The following KCNH1 variants were observed in gnomAD, a reference collection of about 807,000 sequenced individuals.
KCNH1 encodes potassium voltage-gated channel subfamily H member 1, also known as voltage-gated delayed rectifier potassium channel KCNH1.
A neutral mutation model predicts 69.2 loss-of-function variants in KCNH1; 27 were observed. The observed-to-expected ratio is 0.39, with a 90% CI of 0.29 to 0.54. KCNH1 has a LOEUF of 0.54. KCNH1 is among the 20% of genes least tolerant of loss of function. KCNH1 has a pLI of 0.68. For missense variants in KCNH1, 798 were observed against 1,261.6 expected, an observed-to-expected ratio of 0.63 and a Z score of 5.57; for synonymous variants, 456 against 487.7, an observed-to-expected ratio of 0.93 and a Z score of 0.86.
At position 210,680,349 on chromosome 1, in the gene KCNH1, A is replaced by G. The variant is rs558557426; in HGVS notation, c.*2932T>C. 1.5e-5 allele frequency: 2 copies of G among 131,978 alleles called. No individual in the cohort carries two copies. Among genetic ancestry groups the G allele is most frequent in the Non-Finnish European group, 3.6e-5 (2 of 55,606 alleles). The allele number at this position is 131,978 out of a possible 1,614,324, so 8.2% of individuals were successfully genotyped here. A position where few individuals can be genotyped will look rare whatever the true frequency, so the allele number is the denominator to read the frequency against. ...AAATCAAATAACCAGCACTTACTAGATAATGGTGCCACATATCATGCCCCG... is the reference window on the plus strand; with the variant it reads ...AAATCAAATAACCAGCACTTACTAGGTAATGGTGCCACATATCATGCCCCG... On this transcript the variant is annotated 3_prime_UTR_variant, in exon 11 of 11. Coordinates refer to ENST00000271751, the MANE Select transcript of KCNH1 (RefSeq NM_172362.3).
chr1:210,986,845 G>T (rs923690634), intron 6 of KCNH1, among the ~76,000 whole-genome samples: 14 of 152,110 alleles, frequency 9.2e-5, no homozygotes, highest in African/African-American at 3.4e-4. Context: ...TGCTAGATTG[G>T]GGAAGTTCTC....
At chr1:211,065,604 T>C (rs569712260) in intron 5 of KCNH1, among the ~76,000 whole-genome samples, 17 of 152,260 alleles carry the variant, frequency 1.1e-4, no homozygotes, top group Admixed American at 8.5e-4. Context: ...TATTGTATCC[T>C]TAAAAATTGC....
chr1:210,754,831 C>T (rs1176262017), intron 10 of KCNH1, among the ~76,000 whole-genome samples: 1 of 141,028 alleles, frequency 7.1e-6, no homozygotes, highest in African/African-American at 2.7e-5. Context: ...GCCTGATACA[C>T]AAGTACACAC....
At chr1:210,981,395 A>G (rs942131141) in intron 6 of KCNH1, among the ~76,000 whole-genome samples, 1 of 151,080 alleles carries the variant, frequency 6.6e-6, no homozygotes, top group Non-Finnish European at 1.5e-5. Flanking sequence ...AAAAAAAAGA[A>G]TCATCCCTTA....
At chr1:210,684,647 G>T (rs955230428) in intron 10 of KCNH1, among the ~76,000 whole-genome samples, 1 of 152,222 alleles carries the variant, frequency 6.6e-6, no homozygotes, top group Non-Finnish European at 1.5e-5. Context: ...CCCAGGCAAG[G>T]CTACAGCTAA....
intron 7 of KCNH1, among the ~76,000 whole-genome samples, chr1:210,839,481 G>A (rs1307831020): frequency 6.6e-6 from 1 of 152,100 alleles, no homozygotes; most frequent in Non-Finnish European, 1.5e-5. Context: ...ATGGATGCTG[G>A]GCTTAATACC....
chr1:211,112,139 G>A (rs1243627625), intron 1 of KCNH1, among the ~76,000 whole-genome samples: 1 of 108,328 alleles, frequency 9.2e-6, no homozygotes, highest in East Asian at 3.0e-4. Context: ...CTGGGAAGTT[G>A]GAGCGCCTCT....
intron 6 of KCNH1, among the ~76,000 whole-genome samples, chr1:210,975,766 A>G (rs74422102): frequency 6.6e-6 from 1 of 152,142 alleles, no homozygotes; most frequent in Non-Finnish European, 1.5e-5. Flanking sequence ...TAATTAAACT[A>G]AAGAGCTTCT....
intron 5 of KCNH1, among the ~76,000 whole-genome samples, chr1:211,021,095 G>A (rs954653504): frequency 6.6e-6 from 1 of 152,074 alleles, no homozygotes; most frequent in African/African-American, 2.4e-5. Context: ...ATGAGTGGGG[G>A]CTAAGCTATG....
chr1:210,823,924 T>C (rs1175297452), intron 7 of KCNH1, among the ~76,000 whole-genome samples: 5 of 151,768 alleles, frequency 3.3e-5, no homozygotes, highest in Non-Finnish European at 7.4e-5. Flanking sequence ...CTGTGCACCA[T>C]GCTCCAAATG....
intron 5 of KCNH1, among the ~76,000 whole-genome samples, chr1:211,064,605 G>A (rs1690494943): frequency 6.6e-6 from 1 of 151,836 alleles, no homozygotes; most frequent in South Asian, 2.1e-4. Flanking sequence ...AATACAGTAT[G>A]ACCACTTTTT....
chr1:210,680,864 C>G lies in KCNH1; in HGVS notation c.*2417G>C, dbSNP rs1262893846. ...GTGCATTCCTAAAGCTACATTCCCC[C>G]CAAGAACATGTCTGGACTTCAAAGC... On this transcript the variant is annotated 3_prime_UTR_variant, in exon 11 of 11. Coordinates refer to ENST00000271751, the MANE Select transcript of KCNH1 (RefSeq NM_172362.3). 1 of 152,196 alleles carries G rather than the reference C, an allele frequency of 6.6e-6. No homozygotes were observed. The highest frequency in any genetic ancestry group is 6.5e-5 in the Admixed American group (1 of 15,280). 9.4% of individuals were successfully genotyped at this position (152,196 alleles called of 1,614,324 possible).
At chr1:210,827,725 G>C (rs559103600) in intron 7 of KCNH1, among the ~76,000 whole-genome samples, 1 of 152,270 alleles carries the variant, frequency 6.6e-6, no homozygotes, top group South Asian at 2.1e-4. Context: ...ATGGTAGTTA[G>C]GAGCATAGCT....
chr1:210,886,033 C>G (rs1686596899), intron 7 of KCNH1, among the ~76,000 whole-genome samples: 1 of 152,210 alleles, frequency 6.6e-6, no homozygotes, highest in Non-Finnish European at 1.5e-5. Flanking sequence ...CAGCACAGCA[C>G]TTGAGCTCTG....
intron 7 of KCNH1, among the ~76,000 whole-genome samples, chr1:210,885,914 C>T (rs1193008944): frequency 6.6e-6 from 1 of 152,232 alleles, no homozygotes; most frequent in Non-Finnish European, 1.5e-5. Context: ...ATAGATAAAA[C>T]TCCCATATCC....
chr1:211,111,340 G>GC (rs1031712393), intron 1 of KCNH1, among the ~76,000 whole-genome samples: 15 of 150,694 alleles, frequency 1.0e-4, no homozygotes, highest in African/African-American at 1.5e-4. Flanking sequence ...CCTCTGCCCG[G>GC]CCCCCCCACC....
intron 7 of KCNH1, among the ~76,000 whole-genome samples, chr1:210,908,637 A>G (rs1332742599): frequency 6.6e-6 from 1 of 152,158 alleles, no homozygotes; most frequent in Non-Finnish European, 1.5e-5. Context: ...GGGACTTCTT[A>G]GAGTTTACTG....
chr1:210,845,133 G>C (rs1020008664), intron 7 of KCNH1, among the ~76,000 whole-genome samples: 1 of 152,072 alleles, frequency 6.6e-6, no homozygotes, highest in East Asian at 1.9e-4. Context: ...ATTCACAGCC[G>C]AATTCTACCT....
At chr1:211,062,464 A>C (rs1338326706) in intron 5 of KCNH1, among the ~76,000 whole-genome samples, 1 of 152,164 alleles carries the variant, frequency 6.6e-6, no homozygotes, top group Non-Finnish European at 1.5e-5. Flanking sequence ...ATGGACAAAT[A>C]GCATCATATC....
Sources: allele counts gnomAD v4.1 joint callset (sites outside exome capture counted in the v4.1 genomes callset), GRCh38; gene constraint gnomAD v4.1.1; transcripts MANE v1.5; gene names NCBI Gene and HGNC (gene_info 2026-07-23, HGNC 2026-07-21).